Variants in PIDD1 observed in about 807,000 individuals in gnomAD.
PIDD1 encodes the protein p53-induced death domain-containing protein 1.
Under a neutral mutation model 80.0 loss-of-function variants are expected in PIDD1, and 72 were observed. That is an observed-to-expected ratio of 0.90 (90% CI 0.74 to 1.09). The LOEUF is 1.09. Among genes scored for constraint, PIDD1 ranks in the 50% least tolerant of loss-of-function variants. The pLI, the probability that PIDD1 is intolerant of heterozygous loss-of-function variation, is 0.00. For synonymous variants in PIDD1, 655 were observed against 543.5 expected, an observed-to-expected ratio of 1.21 and a Z score of -2.85; for missense variants, 1,329 against 1,228.3, an observed-to-expected ratio of 1.08 and a Z score of -1.23.
upstream of PIDD1, among the ~76,000 whole-genome samples, chr11:808,197 T>C (rs1474638929): frequency 1.3e-5 from 2 of 151,004 alleles, no homozygotes; most frequent in African/African-American, 4.9e-5. Flanking sequence ...GAGGCGGAAG[T>C]GGGAAGATCA....
chr11:801,691 A>G (rs774651429), intron 7 of PIDD1, 67 bp from the exon 8 acceptor site: 3 of 1,357,656 alleles, frequency 2.2e-6, no homozygotes, highest in East Asian at 2.6e-5. Flanking sequence ...GGACACAGGG[A>G]GCAGGATCCA....
At chr11:808,480 G>A (rs181274838), upstream of PIDD1, among the ~76,000 whole-genome samples, 1 of 152,310 alleles carries the variant, frequency 6.6e-6, no homozygotes, top group East Asian at 1.9e-4. Flanking sequence ...TGTAATCCCA[G>A]CACTTTGGGA....
chr11:803,746 GC>G (rs1324664872), intron 2 of PIDD1, 159 bp from the exon 3 acceptor site: 2 of 813,242 alleles, frequency 2.5e-6, no homozygotes, highest in Admixed American at 2.7e-5. Flanking sequence ...CTGGAGAGGT[GC>G]CCGCAAATGG....
chr11:805,246 G>T (rs1040397201), upstream of PIDD1: 14 of 982,114 alleles, frequency 1.4e-5, no homozygotes, highest in South Asian at 2.8e-4. Context: ...TCCCGCCGGC[G>T]CGTTTCTGGG....
In PIDD1 at chr11:800,920, A is replaced by G; in HGVS notation, c.1767-8T>C. ...GTGTACCAGAGCCAGTACCTGGGAG[A>G]GCTGGGGGTGAGGAGGGCTGTACAG... On this transcript the variant is annotated splice_polypyrimidine_tract_variant and splice_region_variant and intron_variant, in intron 10 of 15. Coordinates refer to ENST00000347755, the MANE Select transcript of PIDD1 (RefSeq NM_145886.4). The G allele has an allele frequency of 3.1e-6, 5 of 1,590,714 alleles. No individual in the cohort carries two copies. The highest frequency in any genetic ancestry group is 4.3e-6 in the Non-Finnish European group (5 of 1,169,816).
rs757859401 is a variant in PIDD1, at chr11:801,481, A to AG, written c.1445dup (p.Gly483TrpfsTer4). On this transcript the variant is annotated frameshift_variant, in exon 8 of 16. Transcript: ENST00000347755. LOFTEE classifies it high-confidence loss of function. Reference sequence around the variant, plus strand: ...CTCGACGAGGCTCCTCAGTGGCCCCAGGGGGGAAGATGACTTTGACCCCAG... The same window carrying AG: ...CTCGACGAGGCTCCTCAGTGGCCCCAGGGGGGGAAGATGACTTTGACCCCAG... 3.2e-6 allele frequency: 5 copies of AG among 1,546,178 alleles called. No individual in the cohort carries two copies. The highest frequency in any genetic ancestry group is 1.9e-5 in the Admixed American group (1 of 51,916).
rs1385834204 is a variant in PIDD1 at position 805,207 on chromosome 11, G to C, written c.-104C>G. ...CGCTGCAGGCGGCGCGCAAAGGGTG[G>C]CTGCTCAGCGGGCGCTCGGCGCCTG... On this transcript the variant is annotated 5_prime_UTR_variant, in exon 1 of 16. Coordinates refer to ENST00000347755, the MANE Select transcript of PIDD1 (RefSeq NM_145886.4). 2.0e-6 allele frequency: 2 copies of C among 983,250 alleles called. No individual in the cohort carries two copies. The highest frequency in any genetic ancestry group is 2.4e-6 in the Non-Finnish European group (2 of 828,064). 60.9% of individuals were successfully genotyped at this position (983,250 alleles called of 1,614,324 possible). A position where few individuals can be genotyped will look rare whatever the true frequency, so the allele number is the denominator to read the frequency against.
chr11:808,518 C>T (rs574866370), upstream of PIDD1, among the ~76,000 whole-genome samples: 4 of 152,254 alleles, frequency 2.6e-5, no homozygotes, highest in South Asian at 8.3e-4. Flanking sequence ...CGCTTGAGCC[C>T]ATGTTGGACA....
upstream of PIDD1, among the ~76,000 whole-genome samples, chr11:807,149 G>A (rs7122416): frequency 0.39 from 57,725 of 146,798 alleles, 13,288 homozygotes; most frequent in Admixed American, 0.54. Context: ...CTGAGATCTC[G>A]GCACTGCACT....
At chr11:805,273 A>C (rs1214916481), upstream of PIDD1, 3 of 959,172 alleles carry the variant, frequency 3.1e-6, no homozygotes, top group Middle Eastern at 5.3e-4. Context: ...GGGACTGCAG[A>C]CCCCGCCCCT....
In PIDD1 at chr11:802,818, G is replaced by C. The variant is rs1413077757; in HGVS notation, c.783C>G (p.Arg261=). 3 of 1,601,360 alleles carry C rather than the reference G, an allele frequency of 1.9e-6. No individual in the cohort carries two copies. The highest frequency in any genetic ancestry group is 2.6e-6 in the Non-Finnish European group (3 of 1,174,786). The part of the protein sequence containing the change: ...LLASVPADLA[R]LPLLTRLDLR... ...GGTCGAGCCGGGTGAGGAGTGGAAG[G>C]CGGGCCAAGTCAGCTGGCACAGAGG... Residue 261 remains arginine (R), a synonymous_variant, in exon 4 of 16, where the codon CGC becomes CGG. Transcript: ENST00000347755.
rs1297558165 is a variant in PIDD1, at chr11:801,550, G to A, written c.1377C>T (p.Cys459=). 6.4e-7 allele frequency: 1 copy of A among 1,568,352 alleles called. No individual in the cohort carries two copies. Among genetic ancestry groups the A allele is most frequent in the Admixed American group, 1.9e-5 (1 of 52,968 alleles). ...LVVSRPVSNA[C]LVPPEGTLLC... ...GCAGTGTCCCCTCCGGTGGCACCAG[G>A]CAGGCATTGGACACAGGGCGGGAAA... Residue 459 remains cysteine, a synonymous_variant, in exon 8 of 16, where the codon TGC becomes TGT. Coordinates refer to ENST00000347755, the MANE Select transcript of PIDD1 (RefSeq NM_145886.4).
At chr11:808,236 G>C (rs1423868561), upstream of PIDD1, among the ~76,000 whole-genome samples, 5 of 151,246 alleles carry the variant, frequency 3.3e-5, no homozygotes, top group African/African-American at 1.2e-4. Flanking sequence ...AGACCAGCCT[G>C]GCCAACATGG....
In PIDD1 at chr11:801,203, A is replaced by G. The variant is rs1565057143; in HGVS notation, c.1630+15T>C. On this transcript the variant is annotated intron_variant, in intron 9 of 15. Transcript: ENST00000347755. ...ATGGCCACAGGTCCAGGTATGCCCC[A>G]TGGCTGCCTCTCACCTGTGATGCCA... 2.6e-6 allele frequency: 4 copies of G among 1,546,050 alleles called. No individual in the cohort carries two copies. The highest frequency in any genetic ancestry group is 3.5e-6 in the Non-Finnish European group (4 of 1,143,466).
At chr11:801,889 T>G in intron 7 of PIDD1, 76 bp downstream of exon 7, 1 of 1,552,942 alleles carries the variant, frequency 6.4e-7, no homozygotes, top group Non-Finnish European at 8.7e-7. Flanking sequence ...GGTGCCAGGG[T>G]GAGGCTCTGG....
rs1352205137 is a variant in PIDD1, at chr11:799,932, A to G, written c.2357T>C (p.Phe786Ser). Residue 786 changes from phenylalanine (F) to serine (S), a missense_variant, in exon 15 of 16, where the codon TTT (phenylalanine) becomes TCT (serine). Phe to Ser is a radical substitution (Grantham distance 155). Coordinates refer to ENST00000347755, the MANE Select transcript of PIDD1 (RefSeq NM_145886.4). ...ACTCAGCAGGTTGCTCTGCGTCAGA[A>G]AGCCGGTCTCGGCATCTCCCAGATT... ...PLNLGDAETG[F>S]LTQSNLLSVA... 10 of 1,612,646 alleles carry G rather than the reference A, an allele frequency of 6.2e-6. No homozygotes were observed. Among genetic ancestry groups the G allele is most frequent in the East Asian group, 2.2e-5 (1 of 44,882 alleles).
chr11:807,220 G>A (rs1325227517), upstream of PIDD1, among the ~76,000 whole-genome samples: 1 of 150,630 alleles, frequency 6.6e-6, no homozygotes, highest in Non-Finnish European at 1.5e-5. Context: ...GCTGGGCGCT[G>A]TGGCTCGCAT....
chr11:803,769 G>A, intron 2 of PIDD1, 182 bp from the exon 3 acceptor site: 1 of 696,456 alleles, frequency 1.4e-6, no homozygotes, highest in Non-Finnish European at 2.4e-6. Context: ...AGGAGGCAGG[G>A]GTGGAGACCA....
chr11:802,709 C>A lies in PIDD1; in HGVS notation c.892G>T (p.Ala298Ser), dbSNP rs1219403444. 6.2e-7 allele frequency: 1 copy of A among 1,611,484 alleles called. No homozygotes were observed. The highest frequency in any genetic ancestry group is 8.5e-7 in the Non-Finnish European group (1 of 1,179,116). Residue 298 changes from alanine (A) to serine (S), a missense_variant, in exon 4 of 16, where the codon GCC becomes TCC. Transcript: ENST00000347755. ...GGTGAACTCGGGGCGTCTGGCGAGG[C>A]CTCACCCAGGGGGTTCCCCTGCAGG... ...VRLQGNPLGE[A>S]SPDAPSSPVA...
Sources: allele counts gnomAD v4.1 joint callset (sites outside exome capture counted in the v4.1 genomes callset), GRCh38; gene constraint gnomAD v4.1.1; transcripts MANE v1.5; gene names NCBI Gene and HGNC (gene_info 2026-07-23, HGNC 2026-07-21).